The following YEATS2 variants were observed in gnomAD, a reference collection of about 807,000 sequenced individuals.
YEATS2 encodes YEATS domain containing 2.
A neutral mutation model predicts 163.2 loss-of-function variants in YEATS2; 77 were observed. The observed-to-expected ratio is 0.47, with a 90% CI of 0.39 to 0.57. YEATS2 has a LOEUF of 0.57. Among genes scored for constraint, YEATS2 ranks in the 20% least tolerant of loss-of-function variants. The pLI is 0.00. For synonymous variants in YEATS2, 631 were observed against 645.1 expected, an observed-to-expected ratio of 0.98 and a Z score of 0.33; for missense variants, 1,549 against 1,729.8, an observed-to-expected ratio of 0.90 and a Z score of 1.85.
chr3:183,750,432 T>G (rs1720044079), intron 9 of YEATS2, among the ~76,000 whole-genome samples: 1 of 152,238 alleles, frequency 6.6e-6, no homozygotes, highest in Non-Finnish European at 1.5e-5. Context: ...TTCAGTTCTT[T>G]TGGGTATATA....
At chr3:183,730,991 A>G (rs550353299) in intron 7 of YEATS2, among the ~76,000 whole-genome samples, 121 of 152,200 alleles carry the variant, frequency 8.0e-4, no homozygotes, top group Admixed American at 1.7e-3. Flanking sequence ...AACTGGAAAG[A>G]TAAGGGTTGG....
chr3:183,755,756 T>TTTTC, intron 11 of YEATS2, among the ~76,000 whole-genome samples: 1 of 136,904 alleles, frequency 7.3e-6, no homozygotes, highest in East Asian at 2.1e-4. Context: ...TTTTTTTTTT[T>TTTTC]TTTTTTTTTT....
chr3:183,731,786 T>C (rs1717809743), intron 7 of YEATS2, among the ~76,000 whole-genome samples: 1 of 152,226 alleles, frequency 6.6e-6, no homozygotes, highest in African/African-American at 2.4e-5. Context: ...CGAAATAGCC[T>C]GTGTCTTGTT....
At chr3:183,716,161 G>A (rs1004227686) in intron 2 of YEATS2, among the ~76,000 whole-genome samples, 27 of 152,086 alleles carry the variant, frequency 1.8e-4, no homozygotes, top group African/African-American at 5.5e-4. Context: ...GGGTTTCACC[G>A]TGTTAGCCAG....
Position 183,775,967 on chromosome 3 carries a change from AG to A in YEATS2, c.2423del (p.Gly808GlufsTer40). The A allele has an allele frequency of 6.2e-7, 1 of 1,606,216 alleles. No homozygotes were observed. The highest frequency in any genetic ancestry group is 8.5e-7 in the Non-Finnish European group (1 of 1,175,598). On this transcript the variant is annotated frameshift_variant, in exon 18 of 31. Coordinates refer to ENST00000305135, the MANE Select transcript of YEATS2 (RefSeq NM_018023.5). LOFTEE classifies it high-confidence loss of function. ...SGGSGAGGGG[G>X]GGGGGGSGSG... ...GTGGGAGTGGTGCCGGAGGAGGAGGAGGAGGAGGAGGAGGAGGCGGCAGTGG... is the reference window on the plus strand; with the variant it reads ...GTGGGAGTGGTGCCGGAGGAGGAGGAGAGGAGGAGGAGGAGGCGGCAGTGG...
At chr3:183,800,970 T>C (rs979717938) in intron 24 of YEATS2, 3 of 172,988 alleles carry the variant, frequency 1.7e-5, no homozygotes, top group African/African-American at 2.4e-5. Context: ...ATACACTCTT[T>C]GCTGCTTCTA....
chr3:183,743,271 G>A (rs928434271), intron 8 of YEATS2, among the ~76,000 whole-genome samples: 4 of 152,278 alleles, frequency 2.6e-5, no homozygotes, highest in African/African-American at 2.4e-5. Flanking sequence ...TAATGACATT[G>A]TGAACTATTT....
chr3:183,722,687 T>C (rs979047577), intron 5 of YEATS2, among the ~76,000 whole-genome samples: 2 of 147,204 alleles, frequency 1.4e-5, no homozygotes, highest in South Asian at 2.2e-4. Context: ...GAGTCTCGCT[T>C]TATCACCCAG....
At chr3:183,784,510 C>T (rs963310512) in intron 19 of YEATS2, among the ~76,000 whole-genome samples, 3 of 152,078 alleles carry the variant, frequency 2.0e-5, no homozygotes, top group Non-Finnish European at 4.4e-5. Context: ...AGACCTTTGT[C>T]GGATGTATGG....
chr3:183,753,654 A>G (rs1425302030), intron 10 of YEATS2, among the ~76,000 whole-genome samples: 2 of 152,352 alleles, frequency 1.3e-5, no homozygotes, highest in Admixed American at 6.5e-5. Context: ...AGGCTGAGGC[A>G]CAAGAATTGC....
rs1358155030 is a variant in YEATS2 at position 183,754,280 on chromosome 3, A to C, written c.1305A>C (p.Lys435Asn). Residue 435 changes from lysine (K) to asparagine (N), a missense_variant, in exon 11 of 31, where the codon AAA (lysine) becomes AAC (asparagine). Transcript: ENST00000305135. ...SAFQPIASSC[K>N]IVPQSQVPNP... ...TCCAGCCAATAGCATCAAGCTGCAAAATTGTTCCACAAAGTCAGGTTCCTA... is the reference window on the plus strand; with the variant it reads ...TCCAGCCAATAGCATCAAGCTGCAACATTGTTCCACAAAGTCAGGTTCCTA... 6.2e-7 allele frequency: 1 copy of C among 1,614,176 alleles called. No homozygotes were observed. The highest frequency in any genetic ancestry group is 2.2e-5 in the East Asian group (1 of 44,888).
intron 12 of YEATS2, 62 bp downstream of exon 12, chr3:183,756,751 C>A: frequency 7.8e-7 from 1 of 1,289,836 alleles, no homozygotes; most frequent in Non-Finnish European, 1.0e-6. Flanking sequence ...AAATGTAATC[C>A]TGCCATGACT....
chr3:183,797,322 C>T (rs956087131), intron 21 of YEATS2, among the ~76,000 whole-genome samples: 7 of 146,926 alleles, frequency 4.8e-5, no homozygotes, highest in African/African-American at 1.3e-4. Flanking sequence ...GTGGGAGGAT[C>T]GCTCGAGGCC....
At chr3:183,769,843 G>A (rs899224377) in intron 15 of YEATS2, among the ~76,000 whole-genome samples, 14 of 151,718 alleles carry the variant, frequency 9.2e-5, no homozygotes, top group Admixed American at 2.0e-4. Context: ...CCACCACCAC[G>A]CCCAGCTCAT....
At chr3:183,728,631 A>G in intron 6 of YEATS2, 59 bp from the exon 7 acceptor site, 1 of 1,439,178 alleles carries the variant, frequency 6.9e-7, no homozygotes. Flanking sequence ...GGACTTAATT[A>G]TTTAGTTAGG....
intron 14 of YEATS2, among the ~76,000 whole-genome samples, 200 bp from the exon 15 acceptor site, chr3:183,761,897 C>G (rs1268714432): frequency 6.6e-6 from 1 of 152,150 alleles, no homozygotes; most frequent in East Asian, 1.9e-4. Context: ...AAGTTCAGAT[C>G]CTACTTTTGG....
rs754183308 is a variant in YEATS2 at position 183,752,162 on chromosome 3, A to G, written c.1059A>G (p.Pro353=). 3 of 1,614,086 alleles carry G rather than the reference A, an allele frequency of 1.9e-6. No individual in the cohort carries two copies. In the South Asian group the frequency reaches 3.3e-5, roughly 18 times the overall value. The part of the protein sequence containing the change: ...SSESDISDAP[P]SLPLTIPAPV... ...AGTCTGACATCTCTGATGCCCCTCC[A>G]TCTTTGCCTTTGACCATTCCAGCCC... is the stretch of plus-strand genomic sequence containing the variant. Residue 353 remains proline (P), a synonymous_variant, in exon 10 of 31, where the codon CCA becomes CCG. Coordinates refer to ENST00000305135, the MANE Select transcript of YEATS2 (RefSeq NM_018023.5).
intron 27 of YEATS2, among the ~76,000 whole-genome samples, chr3:183,804,785 A>G (rs1027470869): frequency 6.6e-6 from 1 of 151,020 alleles, no homozygotes; most frequent in Non-Finnish European, 1.5e-5. Context: ...CAGGAGTTCA[A>G]GACCATCTTG....
intron 19 of YEATS2, among the ~76,000 whole-genome samples, chr3:183,780,437 A>G (rs1261965251): frequency 6.6e-6 from 1 of 152,088 alleles, no homozygotes; most frequent in Non-Finnish European, 1.5e-5. Flanking sequence ...GGCTTTTATC[A>G]CTTGGCGAGG....
Sources: allele counts gnomAD v4.1 joint callset (sites outside exome capture counted in the v4.1 genomes callset), GRCh38; gene constraint gnomAD v4.1.1; transcripts MANE v1.5; gene names NCBI Gene and HGNC (gene_info 2026-07-23, HGNC 2026-07-21).